Variants in ANXA8 observed in about 807,000 individuals in gnomAD.
ANXA8 encodes annexin A8, also known as VAC-beta.
A neutral mutation model predicts 26.8 loss-of-function variants in ANXA8; 9 were observed. The ratio of observed to expected loss-of-function variants is 0.34; its 90% CI spans 0.20 to 0.59. The LOEUF (loss-of-function observed/expected upper bound fraction) is 0.59, where lower values mean the gene tolerates loss of function less well. Ranked by LOEUF, ANXA8 falls within the 20% of genes least tolerant of loss-of-function variation. ANXA8 has a pLI of 0.84. For missense variants in ANXA8, 83 were observed against 238.5 expected (o/e 0.35, Z 4.29); for synonymous variants, 39 against 94.8 (o/e 0.41, Z 3.42).
the ANXA8 span, among the ~76,000 whole-genome samples, chr10:47,546,488 C>T: frequency 1.3e-4 from 17 of 129,486 alleles, 1 homozygote; most frequent in Non-Finnish European, 1.8e-4. Context: ...GCGCAAGCTC[C>T]GCCCCCCGGA....
chr10:47,633,911 G>A, the ANXA8 span, among the ~76,000 whole-genome samples: 1 of 139,730 alleles, frequency 7.2e-6, no homozygotes, highest in Non-Finnish European at 1.5e-5. Flanking sequence ...AGATGGGTCC[G>A]CACAACCCGG....
chr10:47,544,124 A>G, the ANXA8 span, among the ~76,000 whole-genome samples: 5 of 151,876 alleles, frequency 3.3e-5, no homozygotes, highest in Non-Finnish European at 7.4e-5. Flanking sequence ...ATCACTGAAA[A>G]CCGAGGCTGA....
the ANXA8 span, among the ~76,000 whole-genome samples, chr10:47,700,959 A>G: frequency 3.3e-5 from 5 of 151,328 alleles, no homozygotes; most frequent in South Asian, 1.0e-3. Context: ...GTGCATGCCT[A>G]TGGTCCCAGC....
the ANXA8 span, among the ~76,000 whole-genome samples, chr10:47,646,464 T>C: frequency 6.8e-6 from 1 of 146,610 alleles, no homozygotes; most frequent in African/African-American, 2.6e-5. Flanking sequence ...AATTTTGATA[T>C]ACAAATAAAA....
the ANXA8 span, chr10:47,551,624 A>C: frequency 5.4e-6 from 1 of 186,858 alleles, no homozygotes; most frequent in Admixed American, 6.1e-5. Flanking sequence ...GCCACACAGC[A>C]TGCATCTCCA....
At chr10:47,604,783 T>C in the ANXA8 span, among the ~76,000 whole-genome samples, 1 of 152,296 alleles carries the variant, frequency 6.6e-6, no homozygotes, top group Non-Finnish European at 1.5e-5. Context: ...TTGATGACAG[T>C]GGATAAGCAT....
At chr10:47,645,304 T>C in the ANXA8 span, among the ~76,000 whole-genome samples, 4 of 146,584 alleles carry the variant, frequency 2.7e-5, no homozygotes, top group Non-Finnish European at 5.9e-5. Flanking sequence ...TTAAAATGTT[T>C]TAACATAAAG....
At chr10:47,555,390 T>C in the ANXA8 span, among the ~76,000 whole-genome samples, 1 of 151,294 alleles carries the variant, frequency 6.6e-6, no homozygotes, top group Non-Finnish European at 1.5e-5. Context: ...CTGAGTTCTC[T>C]ACCTGAGCCC....
the ANXA8 span, among the ~76,000 whole-genome samples, chr10:47,980,408 A>G: frequency 6.6e-6 from 1 of 150,476 alleles, no homozygotes; most frequent in Non-Finnish European, 1.5e-5. Context: ...GAAAGAAGAA[A>G]ATAATAAAGA....
At chr10:47,516,812 A>C in the ANXA8 span, among the ~76,000 whole-genome samples, 107 of 130,452 alleles carry the variant, frequency 8.2e-4, 17 homozygotes, top group Admixed American at 1.1e-3. Flanking sequence ...GCTATTAGAA[A>C]ATAGGCAAAT....
the ANXA8 span, among the ~76,000 whole-genome samples, chr10:47,631,188 A>G: frequency 1.3e-5 from 2 of 150,378 alleles, no homozygotes; most frequent in Non-Finnish European, 2.9e-5. Flanking sequence ...GATTCTTTGG[A>G]ATTTTATTCT....
At chr10:47,694,695 A>AGG in the ANXA8 span, among the ~76,000 whole-genome samples, 2 of 151,946 alleles carry the variant, frequency 1.3e-5, no homozygotes, top group African/African-American at 2.4e-5. Flanking sequence ...CTGGGATTAC[A>AGG]GGCGCGAGCC....
chr10:47,940,059 C>T, the ANXA8 span, among the ~76,000 whole-genome samples: 2 of 150,768 alleles, frequency 1.3e-5, no homozygotes, highest in South Asian at 4.2e-4. Context: ...TTCCGAATCT[C>T]ATGCTTTCCA....
At chr10:47,616,235 C>CTTT in the ANXA8 span, among the ~76,000 whole-genome samples, 1 of 67,124 alleles carries the variant, frequency 1.5e-5, no homozygotes, top group Admixed American at 1.6e-4. Flanking sequence ...AAGAGAGAAG[C>CTTT]TTTTTTTTTT....
the ANXA8 span, among the ~76,000 whole-genome samples, chr10:47,749,446 G>C: frequency 2.7e-5 from 4 of 150,088 alleles, no homozygotes; most frequent in East Asian, 8.0e-4. Context: ...TAATAATAAT[G>C]TCTCGTTAGG....
chr10:47,777,789 A>G, the ANXA8 span, among the ~76,000 whole-genome samples: 1 of 151,724 alleles, frequency 6.6e-6, no homozygotes, highest in Non-Finnish European at 1.5e-5. Flanking sequence ...ATACAGCTTA[A>G]ACATTTTTTT....
At chr10:47,497,336 C>A in the ANXA8 span, among the ~76,000 whole-genome samples, 1 of 134,274 alleles carries the variant, frequency 7.4e-6, no homozygotes, top group Non-Finnish European at 1.6e-5. Flanking sequence ...AAAAAAAAGG[C>A]CAGGCGCAAT....
chr10:47,959,644 C>G, the ANXA8 span, among the ~76,000 whole-genome samples: 1 of 148,000 alleles, frequency 6.8e-6, no homozygotes, highest in Non-Finnish European at 1.5e-5. Context: ...CAGAGCCCTG[C>G]AGAGGCCAGA....
the ANXA8 span, among the ~76,000 whole-genome samples, chr10:47,733,219 T>TTCTCTTTCTTTCTCTCTTTCTTTC: frequency 1.5e-5 from 1 of 68,044 alleles, no homozygotes; most frequent in African/African-American, 5.7e-5. Context: ...CTTTCTTTCT[T>TTCTCTTTCTTTCTCTCTTTCTTTC]TCTCTTTCTT....
Sources: allele counts gnomAD v4.1 joint callset (sites outside exome capture counted in the v4.1 genomes callset), GRCh38; gene constraint gnomAD v4.1.1; transcripts MANE v1.5; gene names NCBI Gene and HGNC (gene_info 2026-07-23, HGNC 2026-07-21).